The following VPS54 variants were observed in gnomAD, a reference collection of about 807,000 sequenced individuals.
VPS54 encodes the protein vacuolar protein sorting-associated protein 54.
Under a neutral mutation model 121.5 loss-of-function variants are expected in VPS54, and 45 were observed. The ratio of observed to expected loss-of-function variants is 0.37; its 90% CI spans 0.29 to 0.47. The LOEUF is 0.47. VPS54 is among the 20% of genes least tolerant of loss of function. The probability of loss-of-function intolerance (pLI) is 0.99; values close to 1 mark genes in which losing one functional copy is unlikely to be tolerated. For synonymous variants in VPS54, 371 were observed against 385.8 expected, an observed-to-expected ratio of 0.96 and a Z score of 0.45; for missense variants, 1,090 against 1,131.4, an observed-to-expected ratio of 0.96 and a Z score of 0.52.
chr2:63,962,492 T>G, intron 6 of VPS54, 49 bp from the exon 7 acceptor site: 1 of 1,521,324 alleles, frequency 6.6e-7, no homozygotes. Flanking sequence ...CATACCTTCC[T>G]TGATTATCCA....
At chr2:63,947,241 A>C (rs1675022009) in intron 9 of VPS54, 142 bp downstream of exon 9, 1 of 746,866 alleles carries the variant, frequency 1.3e-6, no homozygotes. Flanking sequence ...GCTATGTTTT[A>C]CTTTCATTTT....
At chr2:64,005,695 A>C (rs910039457) in intron 1 of VPS54, among the ~76,000 whole-genome samples, 2 of 152,220 alleles carry the variant, frequency 1.3e-5, no homozygotes, top group African/African-American at 4.8e-5. Flanking sequence ...TCTTGTACCC[A>C]CCCAGCTGTG....
intron 9 of VPS54, among the ~76,000 whole-genome samples, chr2:63,947,073 T>C (rs1176256706): frequency 6.6e-6 from 1 of 151,874 alleles, no homozygotes; most frequent in African/African-American, 2.4e-5. Context: ...ACACAATCAT[T>C]AAAAATGATG....
At position 63,893,339 on chromosome 2, in the gene VPS54, A is replaced by T; in HGVS notation, c.*91T>A. ...CCCACCCCAGTTCACTTTGGGTTTC[A>T]GGTTCAATTCTCGAATCACAGGCAT... On this transcript the variant is annotated 3_prime_UTR_variant, in exon 23 of 23. Coordinates refer to ENST00000272322, the MANE Select transcript of VPS54 (RefSeq NM_016516.3). The T allele has an allele frequency of 8.8e-7, 1 of 1,137,336 alleles. No individual in the cohort carries two copies. Among genetic ancestry groups the T allele is most frequent in the Non-Finnish European group, 1.3e-6 (1 of 745,714 alleles). The allele number at this position is 1,137,336 out of a possible 1,614,324, so 70.5% of individuals were successfully genotyped here.
intron 20 of VPS54, among the ~76,000 whole-genome samples, chr2:63,908,291 A>G (rs1407032372): frequency 6.6e-6 from 1 of 152,132 alleles, no homozygotes; most frequent in Non-Finnish European, 1.5e-5. Context: ...CAAAAACATT[A>G]TGTTAAATGA....
chr2:63,920,473 A>G lies in VPS54; in HGVS notation c.2024T>C (p.Phe675Ser). ...QSQAIKFVNR[F>S]HEERKTKLSL... ...GAGCTTGGTTTTTCTCTCTTCATGA[A>G]ACCTATTTACAAACTTAATAGCTTG... Residue 675 changes from phenylalanine (F) to serine (S), a missense_variant, in exon 14 of 23, where the codon TTT (phenylalanine) becomes TCT (serine). Transcript: ENST00000272322. The G allele has an allele frequency of 6.4e-7, 1 of 1,555,310 alleles. No individual in the cohort carries two copies. The highest frequency in any genetic ancestry group is 8.7e-7 in the Non-Finnish European group (1 of 1,153,576).
chr2:63,994,585 G>A (rs1682303000), intron 1 of VPS54, among the ~76,000 whole-genome samples: 1 of 152,176 alleles, frequency 6.6e-6, no homozygotes, highest in South Asian at 2.1e-4. Flanking sequence ...CATGCACCTG[G>A]TTGTATCCAT....
At chr2:63,970,208 T>TAC (rs200919139) in intron 4 of VPS54, among the ~76,000 whole-genome samples, 19,697 of 97,608 alleles carry the variant, frequency 0.2, 2,306 homozygotes, top group Non-Finnish European at 0.25. Flanking sequence ...AAAAAATATA[T>TAC]ATATACACAC....
chr2:63,969,813 T>C lies in VPS54; in HGVS notation c.458-822A>G, dbSNP rs547296547. 8.3e-4 allele frequency among the ~76,000 whole-genome samples: 127 copies of C among 152,266 alleles called. 1 individual carries two copies. The highest frequency in any genetic ancestry group is 3.0e-3 in the African/African-American group (126 of 41,564). On this transcript the variant is annotated intron_variant, in intron 4 of 22. Transcript: ENST00000272322. Reference sequence around the variant, plus strand: ...AGTTTTGGTAAGACTGAATATGGCATGCTATGTAATTTTAAAAAATGAATT... The same window carrying C: ...AGTTTTGGTAAGACTGAATATGGCACGCTATGTAATTTTAAAAAATGAATT...
Position 63,921,656 on chromosome 2 carries a change from T to G in VPS54, c.1740-321A>C, listed in dbSNP as rs141376653. ...AAACCCCCTACCTCAGCCTCCCAAGTAGCTGGGACTACAGAGTCTTGCTAC... is the reference window on the plus strand; with the variant it reads ...AAACCCCCTACCTCAGCCTCCCAAGGAGCTGGGACTACAGAGTCTTGCTAC... On this transcript the variant is annotated intron_variant, in intron 12 of 22. Transcript: ENST00000272322. 5.8e-3 allele frequency among the ~76,000 whole-genome samples: 882 copies of G among 152,052 alleles called. 10 individuals carry two copies. Among genetic ancestry groups the G allele is most frequent in the African/African-American group, 0.02 (824 of 41,490 alleles).
At chr2:63,972,387 ATACAAGT>A (rs1263587793) in intron 3 of VPS54, 143 bp from the exon 4 acceptor site, 1 of 520,904 alleles carries the variant, frequency 1.9e-6, no homozygotes, top group African/African-American at 1.9e-5. Flanking sequence ...CTGAACTTAA[ATACAAGT>A]AACAAGCGGT....
intron 20 of VPS54, among the ~76,000 whole-genome samples, 153 bp from the exon 21 acceptor site, chr2:63,899,734 C>T (rs1672597905): frequency 2.6e-5 from 4 of 152,200 alleles, no homozygotes; most frequent in African/African-American, 9.6e-5. Flanking sequence ...CTGCGCTACT[C>T]ATACAAATCT....
chr2:63,913,937 A>G, intron 17 of VPS54: 1 of 1,291,728 alleles, frequency 7.7e-7, no homozygotes, highest in Non-Finnish European at 9.8e-7. Context: ...TAACGAACAA[A>G]TCATCTCCTG....
Position 63,972,239 on chromosome 2 carries a change from C to T in VPS54, c.384G>A (p.Glu128=), listed in dbSNP as rs758100804. ...TATTCTTGCATCTCTCATGAATCTT[C>T]TCTCTCTAATAAAAAGACAAATAAC... ...TVYQQEISQR[E]KIHERCKNIC... Residue 128 remains glutamate (E), a synonymous_variant, in exon 4 of 23, where the codon GAG becomes GAA. Coordinates refer to ENST00000272322, the MANE Select transcript of VPS54 (RefSeq NM_016516.3). The T allele has an allele frequency of 6.3e-7, 1 of 1,586,448 alleles. No homozygotes were observed. The highest frequency in any genetic ancestry group is 8.6e-7 in the Non-Finnish European group (1 of 1,161,402).
chr2:63,910,236 T>C (rs1413370179), intron 20 of VPS54, among the ~76,000 whole-genome samples: 2 of 152,154 alleles, frequency 1.3e-5, no homozygotes, highest in Non-Finnish European at 2.9e-5. Context: ...GAGAGACTTG[T>C]TAACACAGGA....
At chr2:63,970,229 A>ACACG (rs1256593731) in intron 4 of VPS54, among the ~76,000 whole-genome samples, 2 of 140,804 alleles carry the variant, frequency 1.4e-5, no homozygotes, top group Non-Finnish European at 3.0e-5. Context: ...ACACACACAC[A>ACACG]CACACACATT....
intron 5 of VPS54, among the ~76,000 whole-genome samples, chr2:63,966,393 G>C (rs937321689): frequency 1.3e-5 from 2 of 152,074 alleles, no homozygotes; most frequent in African/African-American, 2.4e-5. Flanking sequence ...AATTAGTTTA[G>C]ATTAAGCATA....
chr2:63,894,494 GAGTTTAAGA>G (rs1672356635), intron 22 of VPS54, among the ~76,000 whole-genome samples: 1 of 152,100 alleles, frequency 6.6e-6, no homozygotes, highest in African/African-American at 2.4e-5. Flanking sequence ...CTGAGCTCAG[GAGTTTAAGA>G]CCAGCCTGGG....
At position 63,949,069 on chromosome 2, in the gene VPS54, G is replaced by A. The variant is rs770670275; in HGVS notation, c.1105C>T (p.Pro369Ser). ...AAAACTTGACAGTCATCTTCCAGTG[G>A]TCTATTTAAGTCACTGTGAGAATAA... is the stretch of plus-strand genomic sequence containing the variant. ...STYSHSDLNR[P>S]LEDDCQVLEE... is the part of the protein sequence containing the mutation. Residue 369 changes from proline (P) to serine (S), a missense_variant, in exon 8 of 23, where the codon CCA (proline) becomes TCA (serine). Around this residue, in one of 2 missense-constraint regions of VPS54, gnomAD observed 801 missense variants for 757.0 expected, o/e 1.06. Coordinates refer to ENST00000272322, the MANE Select transcript of VPS54 (RefSeq NM_016516.3). The A allele has an allele frequency of 1.2e-6, 2 of 1,610,818 alleles. No homozygotes were observed. Among genetic ancestry groups the A allele is most frequent in the African/African-American group, 1.3e-5 (1 of 74,796 alleles).
Sources: gnomAD v4.1 joint callset for allele counts (sites outside exome capture counted in the v4.1 genomes callset) on GRCh38, gnomAD v4.1.1 for gene constraint, gnomAD v4.1.1 regional missense constraint, MANE v1.5 for transcripts, NCBI Gene and HGNC (gene_info 2026-07-23, HGNC 2026-07-21) for gene names.